The following EYA1 variants were observed in gnomAD, a reference collection of about 807,000 sequenced individuals.
EYA1 encodes the protein EYA transcriptional coactivator and phosphatase 1, also known as protein phosphatase EYA1.
Under a neutral mutation model 82.0 loss-of-function variants are expected in EYA1, and 16 were observed. That is an observed-to-expected ratio of 0.20 (90% CI 0.13 to 0.30). The LOEUF (loss-of-function observed/expected upper bound fraction) is 0.30. EYA1 is among the 10% of genes least tolerant of loss of function. The probability of loss-of-function intolerance (pLI) is 1.00; values close to 1 mark genes in which losing one functional copy is unlikely to be tolerated. For synonymous variants in EYA1, 261 were observed against 264.4 expected (o/e 0.99, Z 0.12); for missense variants, 633 against 730.7 (o/e 0.87, Z 1.54).
At chr8:71,258,888 G>A (rs1044091461) in intron 11 of EYA1, among the ~76,000 whole-genome samples, 3 of 152,122 alleles carry the variant, frequency 2.0e-5, no homozygotes, top group South Asian at 2.1e-4. Flanking sequence ...AGTCATGTTC[G>A]TGAGGCAGCT....
chr8:71,477,452 T>C (rs1372028752), intron 2 of EYA1, among the ~76,000 whole-genome samples: 2 of 151,926 alleles, frequency 1.3e-5, no homozygotes, highest in African/African-American at 2.4e-5. Context: ...AATGGTCACA[T>C]GAAAAGATGG....
At chr8:71,438,383 C>A (rs1263734990) in intron 2 of EYA1, among the ~76,000 whole-genome samples, 1 of 151,230 alleles carries the variant, frequency 6.6e-6, no homozygotes, top group East Asian at 1.9e-4. Context: ...TAATAAATAA[C>A]CTAGATAAAT....
intron 12 of EYA1, among the ~76,000 whole-genome samples, chr8:71,233,349 G>A (rs1217048488): frequency 6.6e-6 from 1 of 152,054 alleles, no homozygotes; most frequent in Admixed American, 6.6e-5. Context: ...CAGATCACGA[G>A]GTCAGGAGAT....
chr8:71,372,031 A>G (rs1828113190), intron 2 of EYA1, among the ~76,000 whole-genome samples: 1 of 152,138 alleles, frequency 6.6e-6, no homozygotes, highest in African/African-American at 2.4e-5. Context: ...AAGGACAATA[A>G]AGCCTAAAAT....
At chr8:71,514,069 A>G (rs1812792243) in intron 2 of EYA1, among the ~76,000 whole-genome samples, 1 of 152,142 alleles carries the variant, frequency 6.6e-6, no homozygotes, top group South Asian at 2.1e-4. Flanking sequence ...AATCCTGGCT[A>G]TTATGAACAG....
At chr8:71,509,169 C>T (rs949546485) in intron 2 of EYA1, among the ~76,000 whole-genome samples, 4 of 152,058 alleles carry the variant, frequency 2.6e-5, no homozygotes, top group African/African-American at 7.2e-5. Flanking sequence ...GTTGAGGCTG[C>T]AGTGAGCCAA....
chr8:71,529,866 T>C (rs539532875), intron 2 of EYA1: 1 of 152,352 alleles, frequency 6.6e-6, no homozygotes, highest in African/African-American at 2.4e-5. Context: ...AAGACTTTCC[T>C]TTTGTTTTCT....
chr8:71,458,406 C>G (rs1808120066), intron 2 of EYA1, among the ~76,000 whole-genome samples: 1 of 150,872 alleles, frequency 6.6e-6, no homozygotes, highest in South Asian at 2.1e-4. Flanking sequence ...TTCTTTTCAC[C>G]TACATATCCT....
intron 2 of EYA1, among the ~76,000 whole-genome samples, chr8:71,435,379 T>C (rs1022195772): frequency 6.6e-6 from 1 of 152,126 alleles, no homozygotes; most frequent in East Asian, 1.9e-4. Flanking sequence ...TAATGTTTTA[T>C]TGGATAAATA....
At chr8:71,285,041 T>C (rs1303229368) in intron 9 of EYA1, among the ~76,000 whole-genome samples, 3 of 152,248 alleles carry the variant, frequency 2.0e-5, no homozygotes, top group South Asian at 2.1e-4. Flanking sequence ...TTGTCTTCTA[T>C]ATCTCCATAG....
At chr8:71,322,708 G>A (rs2129032908) in intron 4 of EYA1, among the ~76,000 whole-genome samples, 1 of 152,294 alleles carries the variant, frequency 6.6e-6, no homozygotes, top group East Asian at 1.9e-4. Context: ...CAAACCTGAG[G>A]CTGTATTACC....
chr8:71,328,702 C>T (rs7846615), intron 4 of EYA1, among the ~76,000 whole-genome samples: 3,628 of 152,236 alleles, frequency 0.024, 137 homozygotes, highest in African/African-American at 0.083. Flanking sequence ...ATCTTCAACA[C>T]TTCCATGAAT....
chr8:71,285,281 G>A (rs374534735), intron 9 of EYA1, among the ~76,000 whole-genome samples: 3 of 152,320 alleles, frequency 2.0e-5, no homozygotes, highest in Admixed American at 6.5e-5. Flanking sequence ...ATCAAGGCAA[G>A]TAATTAGATG....
intron 2 of EYA1, among the ~76,000 whole-genome samples, chr8:71,458,047 G>A (rs1006666314): frequency 6.6e-6 from 1 of 152,028 alleles, no homozygotes; most frequent in South Asian, 2.1e-4. Flanking sequence ...TAGAGAGAGC[G>A]AATATCTTGT....
At chr8:71,304,513 C>T (rs562158385) in intron 7 of EYA1, among the ~76,000 whole-genome samples, 5 of 142,792 alleles carry the variant, frequency 3.5e-5, no homozygotes, top group Admixed American at 3.5e-4. Flanking sequence ...AGGCAAATAC[C>T]TGGGCTTCCC....
chr8:71,311,042 G>A (rs535512810), intron 7 of EYA1, among the ~76,000 whole-genome samples: 15 of 152,156 alleles, frequency 9.9e-5, no homozygotes, highest in Non-Finnish European at 1.8e-4. Flanking sequence ...TTGTTTGCAC[G>A]TGAACTACAG....
Position 71,389,413 on chromosome 8 carries a change from G to A in EYA1, c.34-32902C>T, listed in dbSNP as rs139992299. On this transcript the variant is annotated intron_variant, in intron 2 of 18. Transcript: ENST00000643681. ...CAGCTTCACAATATGCAGGTGAAAT[G>A]AGACCTGAAATTCATTAGAAATATT... Among the ~76,000 whole-genome samples the A allele has an allele frequency of 4.8e-3, 734 of 152,198 alleles. 10 individuals are homozygous for A. The highest frequency in any genetic ancestry group is 0.017 in the African/African-American group (703 of 41,512).
intron 2 of EYA1, among the ~76,000 whole-genome samples, chr8:71,520,251 A>C (rs912349822): frequency 6.6e-6 from 1 of 150,522 alleles, no homozygotes; most frequent in East Asian, 2.0e-4. Context: ...ATGCAGTTGA[A>C]TTATGCTTTA....
upstream of EYA1, among the ~76,000 whole-genome samples, chr8:71,366,347 G>A (rs1240377684): frequency 6.6e-6 from 1 of 151,992 alleles, no homozygotes; most frequent in East Asian, 1.9e-4. Context: ...TCTTCCTCCT[G>A]CCAAAAAGTA....
Sources: allele counts gnomAD v4.1 joint callset (sites outside exome capture counted in the v4.1 genomes callset), GRCh38; gene constraint gnomAD v4.1.1; transcripts MANE v1.5; gene names NCBI Gene and HGNC (gene_info 2026-07-23, HGNC 2026-07-21).